MYO5B: variants seen among roughly 807,000 people sequenced by gnomAD.
MYO5B encodes the protein unconventional myosin-Vb.
MYO5B carries 143 observed loss-of-function variants against 229.3 expected under a neutral mutation model. The ratio of observed to expected loss-of-function variants is 0.62; its 90% CI spans 0.54 to 0.72. The LOEUF is 0.72. Ranked by LOEUF, MYO5B falls within the 30% of genes least tolerant of loss-of-function variation. MYO5B has a pLI of 0.00. For missense variants in MYO5B, 2,321 were observed against 2,331.0 expected, an observed-to-expected ratio of 1.00 and a Z score of 0.09; for synonymous variants, 918 against 885.2, an observed-to-expected ratio of 1.04 and a Z score of -0.66.
At chr18:49,857,007 G>C in intron 29 of MYO5B, 117 bp from the exon 30 acceptor site, 1 of 845,088 alleles carries the variant, frequency 1.2e-6, no homozygotes, top group South Asian at 1.4e-5. Context: ...AAAAAGGCAA[G>C]GCTCAAGAAC....
At chr18:49,898,199 G>A (rs1212729209) in intron 21 of MYO5B, among the ~76,000 whole-genome samples, 1 of 152,030 alleles carries the variant, frequency 6.6e-6, no homozygotes, top group Non-Finnish European at 1.5e-5. Flanking sequence ...TTTCTCATAA[G>A]GTACCCCTGT....
chr18:50,055,566 G>T (rs2030527718), intron 1 of MYO5B, among the ~76,000 whole-genome samples, 188 bp from the exon 2 acceptor site: 1 of 152,142 alleles, frequency 6.6e-6, no homozygotes, highest in Non-Finnish European at 1.5e-5. Flanking sequence ...TCACAGGACT[G>T]GTAGCAGAGG....
At chr18:50,122,638 A>G (rs1162340423) in intron 1 of MYO5B, among the ~76,000 whole-genome samples, 4 of 1,398 alleles carry the variant, frequency 2.9e-3, no homozygotes, top group African/African-American at 4.9e-3. Context: ...GGGGGGGGAG[A>G]GAGAGAGAGA....
At chr18:50,076,803 A>G (rs1177081025) in intron 1 of MYO5B, among the ~76,000 whole-genome samples, 1 of 152,052 alleles carries the variant, frequency 6.6e-6, no homozygotes, top group African/African-American at 2.4e-5. Flanking sequence ...AATATTCCCA[A>G]TCGGGTGAAG....
chr18:50,083,835 C>T (rs1275356126), intron 1 of MYO5B, among the ~76,000 whole-genome samples: 4 of 152,166 alleles, frequency 2.6e-5, no homozygotes, highest in Admixed American at 6.5e-5. Flanking sequence ...ATCTCAAACT[C>T]ATTCACCCCC....
intron 1 of MYO5B, among the ~76,000 whole-genome samples, chr18:50,172,781 G>C (rs905032488): frequency 1.1e-4 from 17 of 152,222 alleles, no homozygotes; most frequent in African/African-American, 3.9e-4. Flanking sequence ...CCAGCTATGA[G>C]AGGAGAAAAA....
intron 16 of MYO5B, among the ~76,000 whole-genome samples, chr18:49,930,198 A>C (rs1489591572): frequency 1.3e-5 from 2 of 152,206 alleles, no homozygotes; most frequent in East Asian, 1.9e-4. Flanking sequence ...GCTTAAATGT[A>C]ATGGTCCCTG....
At chr18:49,955,527 A>C (rs1461507463) in intron 12 of MYO5B, among the ~76,000 whole-genome samples, 2 of 152,232 alleles carry the variant, frequency 1.3e-5, no homozygotes, top group Admixed American at 6.5e-5. Flanking sequence ...CTAGCCGTTT[A>C]CAAAGGGATT....
chr18:50,149,986 G>GA (rs1221631701), intron 1 of MYO5B, among the ~76,000 whole-genome samples: 4 of 146,960 alleles, frequency 2.7e-5, no homozygotes, highest in Non-Finnish European at 4.5e-5. Flanking sequence ...AAATTTACAA[G>GA]AAAAAAACAA....
At chr18:50,036,716 G>C in intron 4 of MYO5B, 134 bp downstream of exon 4, 1 of 1,037,084 alleles carries the variant, frequency 9.6e-7, no homozygotes, top group Non-Finnish European at 1.5e-6. Context: ...AACTTGGGCT[G>C]CTTTGTTTCC....
In MYO5B at chr18:49,906,620, T is replaced by A. The variant is rs779113043; in HGVS notation, c.2213A>T (p.Lys738Met). The A allele has an allele frequency of 6.8e-6, 11 of 1,613,890 alleles. 2 individuals are homozygous for A. In the South Asian group the frequency reaches 1.2e-4, roughly 18 times the overall value. ...VLENLIKDPDKFQFGRTKIFF... is the reference protein window; with the variant it reads ...VLENLIKDPDMFQFGRTKIFF... Reference sequence around the variant, plus strand: ...GATCTTGGTGCGGCCAAACTGGAACTTGTCGGGGTCCTTTACAAGGTAGGG... The same window carrying A: ...GATCTTGGTGCGGCCAAACTGGAACATGTCGGGGTCCTTTACAAGGTAGGG... Residue 738 changes from lysine (K) to methionine (M), a missense_variant, in exon 19 of 40, where the codon AAG (lysine) becomes ATG (methionine). By Grantham distance (95) the Lys-to-Met change is moderately conservative. Transcript: ENST00000285039.
intron 1 of MYO5B, among the ~76,000 whole-genome samples, chr18:50,083,972 T>A (rs1448470718): frequency 6.6e-6 from 1 of 152,244 alleles, no homozygotes; most frequent in Non-Finnish European, 1.5e-5. Flanking sequence ...AGAATGGTAC[T>A]ACTGCCACTT....
intron 1 of MYO5B, among the ~76,000 whole-genome samples, chr18:50,105,314 T>C (rs2031737885): frequency 6.6e-6 from 1 of 152,030 alleles, no homozygotes; most frequent in South Asian, 2.1e-4. Flanking sequence ...GATGACAGGA[T>C]AGAGAGGGCT....
rs117710418 is a variant in MYO5B at position 49,862,290 on chromosome 18, G to A, written c.3944+937C>T. ...TTAGATTACAGGTGTGAGCCACTAT[G>A]CTCGGCCAGACAGCTCCGTTTTTAT... On this transcript the variant is annotated intron_variant, in intron 29 of 39. Transcript: ENST00000285039. Among the ~76,000 whole-genome samples the A allele has an allele frequency of 4.9e-3, 750 of 152,280 alleles. 3 individuals carry two copies. The highest frequency in any genetic ancestry group is 6.5e-3 in the Non-Finnish European group (440 of 68,026).
intron 17 of MYO5B, among the ~76,000 whole-genome samples, chr18:49,914,837 A>G (rs137978797): frequency 6.4e-4 from 97 of 152,066 alleles, no homozygotes; most frequent in Middle Eastern, 3.4e-3. Flanking sequence ...GGAGTATCAC[A>G]TACAGCTTTG....
At chr18:50,145,949 G>A (rs758800146) in intron 1 of MYO5B, among the ~76,000 whole-genome samples, 87 of 152,112 alleles carry the variant, frequency 5.7e-4, no homozygotes, top group African/African-American at 1.9e-3. Flanking sequence ...TACCAAAAAC[G>A]GATACATTTC....
At chr18:49,965,831 C>T (rs1692485418) in intron 10 of MYO5B, among the ~76,000 whole-genome samples, 1 of 152,068 alleles carries the variant, frequency 6.6e-6, no homozygotes. Context: ...AGGATGATGT[C>T]CTAGAAGGAG....
chr18:50,139,427 A>G (rs2032384280), intron 1 of MYO5B, among the ~76,000 whole-genome samples: 1 of 152,230 alleles, frequency 6.6e-6, no homozygotes, highest in Admixed American at 6.5e-5. Context: ...TTCTGTTCCA[A>G]CAACTAAGAA....
intron 1 of MYO5B, among the ~76,000 whole-genome samples, chr18:50,133,637 G>A (rs1331667768): frequency 6.6e-6 from 1 of 152,114 alleles, no homozygotes; most frequent in Non-Finnish European, 1.5e-5. Context: ...GACTGTCCTG[G>A]TATATTACAC....
Sources: gnomAD v4.1 joint callset for allele counts (sites outside exome capture counted in the v4.1 genomes callset) on GRCh38, gnomAD v4.1.1 for gene constraint, MANE v1.5 for transcripts, NCBI Gene and HGNC (gene_info 2026-07-23, HGNC 2026-07-21) for gene names.